Variants in ZDHHC19 observed in about 807,000 individuals in gnomAD.
ZDHHC19 encodes the protein zDHHC palmitoyltransferase 19.
Under a neutral mutation model 33.9 loss-of-function variants are expected in ZDHHC19, and 30 were observed. That is an observed-to-expected ratio of 0.88 (90% CI 0.66 to 1.20). The LOEUF is 1.20. Ranked by LOEUF, ZDHHC19 falls within the 50% of genes most tolerant of loss-of-function variation. The pLI, the probability that ZDHHC19 is intolerant of heterozygous loss-of-function variation, is 0.00. For synonymous variants in ZDHHC19, 178 were observed against 167.6 expected, an observed-to-expected ratio of 1.06 and a Z score of -0.48; for missense variants, 364 against 401.1, an observed-to-expected ratio of 0.91 and a Z score of 0.79.
rs879083701 is a variant in ZDHHC19 at position 196,206,406 on chromosome 3, T to G, written c.687+992A>C. Among the ~76,000 whole-genome samples, 3 of 150,498 alleles carry G rather than the reference T, an allele frequency of 2.0e-5. No individual in the cohort carries two copies. In the South Asian group the frequency reaches 6.3e-4, roughly 32 times the overall value. ...CTCTATTGCCCAGGCTGGAGTGCAG[T>G]GGTGCAATCACAGCTCACTGACTGC... On this transcript the variant is annotated intron_variant, in intron 5 of 7. Transcript: ENST00000296326.
rs990398693 is a variant in ZDHHC19, at chr3:196,197,901, T to C, written c.*20-176A>G. On this transcript the variant is annotated intron_variant, in intron 7 of 7. Coordinates refer to ENST00000296326, the MANE Select transcript of ZDHHC19 (RefSeq NM_001039617.2). The surrounding 1 kb of genome is among the most constrained non-coding windows in gnomAD (Gnocchi z 4.4). ...GTGGCCTCCTGATGCTCCACCTCCA[T>C]GTCTCACGGGGCTTCGAGTCAATGT... Among the ~76,000 whole-genome samples, 16 of 152,054 alleles carry C rather than the reference T, an allele frequency of 1.1e-4. No individual in the cohort carries two copies. The highest frequency in any genetic ancestry group is 3.6e-4 in the African/African-American group (15 of 41,402).
Position 196,211,289 on chromosome 3 carries a change from C to T in ZDHHC19, c.27G>A (p.Pro9=), listed in dbSNP as rs775134058. The change falls in exon 1 of 8, where the codon CCG becomes CCA. Residue 9 remains proline (P), a synonymous_variant. Coordinates refer to ENST00000296326, the MANE Select transcript of ZDHHC19 (RefSeq NM_001039617.2). ...GCAGGGGATGGGGCTCCTTCACCAG[C>T]GGCGTGGCATCCGTTAAGAGTGTCA... MTLLTDAT[P]LVKEPHPLPL... is the part of the protein sequence containing the mutation. The T allele has an allele frequency of 3.1e-5, 50 of 1,613,590 alleles. No individual in the cohort carries two copies. Among genetic ancestry groups the T allele is most frequent in the Non-Finnish European group, 3.9e-5 (46 of 1,179,770 alleles).
intron 5 of ZDHHC19, 51 bp downstream of exon 5, chr3:196,207,338 AAAGCGCGGG>A: frequency 1.4e-6 from 2 of 1,457,554 alleles, no homozygotes; most frequent in Non-Finnish European, 1.9e-6. Flanking sequence ...GGCAGTGGAG[AAAGCGCGGG>A]AAGCGCGGAG....
chr3:196,205,717 A>T (rs1318314442), intron 5 of ZDHHC19, among the ~76,000 whole-genome samples: 1 of 152,226 alleles, frequency 6.6e-6, no homozygotes, highest in Non-Finnish European at 1.5e-5. Context: ...GCTGGAGTGC[A>T]GTGGCATGAT....
chr3:196,203,101 A>C lies in ZDHHC19; in HGVS notation c.688-4227T>G, dbSNP rs1722487788. 6.6e-6 allele frequency among the ~76,000 whole-genome samples: 1 copy of C among 152,044 alleles called. No homozygotes were observed. The highest frequency in any genetic ancestry group is 1.5e-5 in the Non-Finnish European group (1 of 68,010). On this transcript the variant is annotated intron_variant, in intron 5 of 7. Transcript: ENST00000296326. This position sits in a 1 kb window ranked among gnomAD's most constrained non-coding sequence, Gnocchi z 4.3. Reference sequence around the variant, plus strand: ...ATGGTGAAACCCCGTCTCTACTAAAAATACAAAAAATCAGGTGGGCATGGT... The same window carrying C: ...ATGGTGAAACCCCGTCTCTACTAAACATACAAAAAATCAGGTGGGCATGGT...
intron 5 of ZDHHC19, among the ~76,000 whole-genome samples, chr3:196,205,749 C>A (rs1466626967): frequency 6.6e-6 from 1 of 152,138 alleles, no homozygotes; most frequent in Admixed American, 6.5e-5. Flanking sequence ...GCAGCTTCTG[C>A]CTCCCAGGTT....
rs1218257406 is a variant in ZDHHC19 at position 196,203,030 on chromosome 3, C to T, written c.688-4156G>A. ...ATCCCAGCACTTTGGGAGGCCGAGG[C>T]GAGTGGCTCACCTGAGGTCAGGAGT... On this transcript the variant is annotated intron_variant, in intron 5 of 7. Transcript: ENST00000296326. The surrounding 1 kb of genome is among the most constrained non-coding windows in gnomAD (Gnocchi z 4.3). 1.3e-5 allele frequency among the ~76,000 whole-genome samples: 2 copies of T among 152,028 alleles called. No homozygotes were observed. Among genetic ancestry groups the T allele is most frequent in the Non-Finnish European group, 2.9e-5 (2 of 67,988 alleles).
chr3:196,206,375 G>T (rs563101469), intron 5 of ZDHHC19, among the ~76,000 whole-genome samples: 15 of 151,910 alleles, frequency 9.9e-5, no homozygotes, highest in Non-Finnish European at 1.9e-4. Flanking sequence ...TTAAGACAGG[G>T]TCTTGCTCTA....
At chr3:196,208,152 G>A (rs570543363) in intron 4 of ZDHHC19, among the ~76,000 whole-genome samples, 236 of 151,998 alleles carry the variant, frequency 1.6e-3, no homozygotes, top group Non-Finnish European at 2.1e-3. Context: ...TCCCGCCTCG[G>A]CCTCCCAAAG....
At chr3:196,202,694 G>A (rs982460361) in intron 5 of ZDHHC19, among the ~76,000 whole-genome samples, 16 of 152,320 alleles carry the variant, frequency 1.1e-4, no homozygotes, top group African/African-American at 3.8e-4. Context: ...ACAAGCTCAA[G>A]CTGCTGTGTG....
intron 5 of ZDHHC19, among the ~76,000 whole-genome samples, 198 bp from the exon 6 acceptor site, chr3:196,199,072 C>T (rs1314757378): frequency 2.0e-5 from 3 of 152,224 alleles, no homozygotes; most frequent in Non-Finnish European, 4.4e-5. Flanking sequence ...CACACACATC[C>T]TCCTGCTACC....
At position 196,207,397 on chromosome 3, in the gene ZDHHC19, C is replaced by T. The variant is rs893795767; in HGVS notation, c.687+1G>A. ...AGCTGACCACCCGCGGCCCCGCGTA[C>T]CTTGCCCTTGTAGGTGCGGTCGGCC... On this transcript the variant is annotated splice_donor_variant, in intron 5 of 7. Coordinates refer to ENST00000296326, the MANE Select transcript of ZDHHC19 (RefSeq NM_001039617.2). LOFTEE classifies it high-confidence loss of function. 1.9e-6 allele frequency: 3 copies of T among 1,556,934 alleles called. No homozygotes were observed. The highest frequency in any genetic ancestry group is 1.4e-5 in the African/African-American group (1 of 73,114).
In ZDHHC19 at chr3:196,204,465, G is replaced by A. The variant is rs541262176; in HGVS notation, c.687+2933C>T. Among the ~76,000 whole-genome samples, 25 of 152,254 alleles carry A rather than the reference G, an allele frequency of 1.6e-4. No individual in the cohort carries two copies. The South Asian group carries it at 5.2e-3, about 32-fold the overall frequency. On this transcript the variant is annotated intron_variant, in intron 5 of 7. Coordinates refer to ENST00000296326, the MANE Select transcript of ZDHHC19 (RefSeq NM_001039617.2). ...CAATTCTCCCCAAACTGATCTATAG[G>A]CTCAATGAAATTCCAGTGAAAATCC...
At chr3:196,199,268 C>G (rs745910858) in intron 5 of ZDHHC19, 22 of 213,270 alleles carry the variant, frequency 1.0e-4, no homozygotes, top group Non-Finnish European at 1.9e-4. Flanking sequence ...TCCTCTCTCC[C>G]CTTCGCCCAC....
At chr3:196,198,188 C>A in intron 7 of ZDHHC19, 88 bp downstream of exon 7, 1 of 1,293,556 alleles carries the variant, frequency 7.7e-7, no homozygotes, top group Non-Finnish European at 1.0e-6. Flanking sequence ...GTCAGCCAAA[C>A]CTCAGGGGCC....
chr3:196,198,539 G>A (rs745955735), intron 6 of ZDHHC19, 88 bp from the exon 7 acceptor site: 1 of 1,570,446 alleles, frequency 6.4e-7, no homozygotes, highest in African/African-American at 1.4e-5. Context: ...ACACGGCCCA[G>A]GGCTTAGCTC....
At position 196,211,290 on chromosome 3, in the gene ZDHHC19, G is replaced by C. The variant is rs374176080; in HGVS notation, c.26C>G (p.Pro9Arg). 6.2e-7 allele frequency: 1 copy of C among 1,613,840 alleles called. No individual in the cohort carries two copies. The highest frequency in any genetic ancestry group is 1.1e-5 in the South Asian group (1 of 91,056). Reference sequence around the variant, plus strand: ...CAGGGGATGGGGCTCCTTCACCAGCGGCGTGGCATCCGTTAAGAGTGTCAT... The same window carrying C: ...CAGGGGATGGGGCTCCTTCACCAGCCGCGTGGCATCCGTTAAGAGTGTCAT... Reference protein sequence around the residue: MTLLTDATPLVKEPHPLPL... With the variant: MTLLTDATRLVKEPHPLPL... Residue 9 changes from proline to arginine, a missense_variant, in exon 1 of 8, where the codon CCG becomes CGG. Physicochemically the swap from Pro to Arg is moderately radical, Grantham distance 103. Coordinates refer to ENST00000296326, the MANE Select transcript of ZDHHC19 (RefSeq NM_001039617.2).
intron 5 of ZDHHC19, among the ~76,000 whole-genome samples, chr3:196,206,204 A>G (rs1268519461): frequency 1.3e-5 from 2 of 151,192 alleles, no homozygotes; most frequent in Non-Finnish European, 2.9e-5. Context: ...GGTGTGCCCC[A>G]CCACACCTGG....
rs1031278940 is a variant in ZDHHC19 at position 196,200,410 on chromosome 3, A to C, written c.688-1536T>G. On this transcript the variant is annotated intron_variant, in intron 5 of 7. Transcript: ENST00000296326. ...TGCTCTGTCACCCAGGCTGGAGTGCAGTGGCGCGATCTCAGCTCACTGCAA... is the reference window on the plus strand; with the variant it reads ...TGCTCTGTCACCCAGGCTGGAGTGCCGTGGCGCGATCTCAGCTCACTGCAA... Among the ~76,000 whole-genome samples, 13 of 145,230 alleles carry C rather than the reference A, an allele frequency of 9.0e-5. 1 individual carries two copies. Among genetic ancestry groups the C allele is most frequent in the African/African-American group, 2.3e-4 (9 of 39,448 alleles).
Sources: allele counts gnomAD v4.1 joint callset (sites outside exome capture counted in the v4.1 genomes callset), GRCh38; gene constraint gnomAD v4.1.1; non-coding constraint Gnocchi (gnomAD v3.1); transcripts MANE v1.5; gene names NCBI Gene and HGNC (gene_info 2026-07-23, HGNC 2026-07-21).